The following UNC80 variants were observed in gnomAD, a reference collection of about 807,000 sequenced individuals.
UNC80 encodes the protein unc-80 subunit of NALCN channel complex.
In UNC80, 164 loss-of-function variants were observed where a neutral mutation model predicts 384.6. The observed-to-expected ratio is 0.43, with a 90% CI of 0.38 to 0.49. The LOEUF (loss-of-function observed/expected upper bound fraction) is 0.49. Among genes scored for constraint, UNC80 ranks in the 20% least tolerant of loss-of-function variants. The probability of loss-of-function intolerance (pLI) is 0.00; values close to 1 mark genes in which losing one functional copy is unlikely to be tolerated. For synonymous variants in UNC80, 1,486 were observed against 1,527.8 expected (o/e 0.97, Z 0.64); for missense variants, 3,330 against 4,143.0 (o/e 0.80, Z 5.39).
intron 25 of UNC80, 24 bp from the exon 26 acceptor site, chr2:209,888,071 A>G (rs2085991851): frequency 1.3e-6 from 2 of 1,551,342 alleles, no homozygotes; most frequent in Non-Finnish European, 1.7e-6. Context: ...GCCAGCACTC[A>G]TGTGCTCCTC....
chr2:209,939,729 A>G (rs1209135684), intron 43 of UNC80, 77 bp downstream of exon 43: 2 of 1,318,426 alleles, frequency 1.5e-6, no homozygotes, highest in Non-Finnish European at 2.0e-6. Context: ...TTTTATTATT[A>G]TTATACTTTA....
At chr2:209,828,597 A>G (rs987295310) in intron 14 of UNC80, among the ~76,000 whole-genome samples, 2 of 152,178 alleles carry the variant, frequency 1.3e-5, no homozygotes, top group Admixed American at 6.5e-5. Flanking sequence ...CTGGGCCACA[A>G]TTAAGGACAC....
intron 18 of UNC80, among the ~76,000 whole-genome samples, chr2:209,835,676 A>G (rs772492478): frequency 4.6e-5 from 7 of 152,326 alleles, no homozygotes; most frequent in Non-Finnish European, 8.8e-5. Context: ...CCACAAGTGG[A>G]GTGTAAACAT....
rs1377606612 is a variant in UNC80 at position 209,772,040 on chromosome 2, G to A, written c.-33G>A. ...GGCGGCTAGCGAGGAGACAGAGCTGGGTCCTGCAGTAGGACTCCCGGGAGC... is the reference window on the plus strand; with the variant it reads ...GGCGGCTAGCGAGGAGACAGAGCTGAGTCCTGCAGTAGGACTCCCGGGAGC... On this transcript the variant is annotated 5_prime_UTR_variant, in exon 1 of 65. It introduces an in-frame stop codon into an upstream open reading frame of the 5' UTR. Coordinates refer to ENST00000673920, the MANE Select transcript of UNC80 (RefSeq NM_001371986.1). The A allele has an allele frequency of 2.0e-6, 3 of 1,489,362 alleles. No homozygotes were observed. Among genetic ancestry groups the A allele is most frequent in the Non-Finnish European group, 2.7e-6 (3 of 1,092,012 alleles). 92.3% of individuals were successfully genotyped at this position (1,489,362 alleles called of 1,614,324 possible). A position where few individuals can be genotyped will look rare whatever the true frequency, so the allele number is the denominator to read the frequency against.
chr2:209,800,396 T>C (rs2078463681), intron 7 of UNC80, among the ~76,000 whole-genome samples: 1 of 151,972 alleles, frequency 6.6e-6, no homozygotes, highest in Admixed American at 6.6e-5. Context: ...TGTGGGGTCA[T>C]TGGTGATATC....
chr2:209,950,070 G>A (rs563779422), intron 47 of UNC80, among the ~76,000 whole-genome samples: 27 of 151,664 alleles, frequency 1.8e-4, no homozygotes, highest in Admixed American at 1.5e-3. Flanking sequence ...GAGCTCAAGT[G>A]TTCCTCCCAC....
chr2:209,893,522 C>CG (rs1420284419), intron 26 of UNC80, among the ~76,000 whole-genome samples: 20 of 151,994 alleles, frequency 1.3e-4, no homozygotes, highest in Admixed American at 6.6e-4. Context: ...AAGTTTGGCT[C>CG]GGGGGGGTTG....
chr2:209,816,838 G>A, intron 9 of UNC80, 71 bp from the exon 10 acceptor site: 1 of 1,395,364 alleles, frequency 7.2e-7, no homozygotes. Context: ...GCAGATCATG[G>A]AGCCCCTTGG....
intron 20 of UNC80, among the ~76,000 whole-genome samples, chr2:209,841,146 G>A (rs2081715267): frequency 6.6e-6 from 1 of 152,184 alleles, no homozygotes; most frequent in African/African-American, 2.4e-5. Flanking sequence ...AAGCACTGGA[G>A]TAACGTAAGG....
Position 209,954,259 on chromosome 2 carries a change from G to A in UNC80, c.7446G>A (p.Glu2482=). Residue 2482 remains glutamate (E), a synonymous_variant, in exon 48 of 65, where the codon GAG becomes GAA. Coordinates refer to ENST00000673920, the MANE Select transcript of UNC80 (RefSeq NM_001371986.1). ...TSLQALLYSV[E]VLTRPMTAPQ... ...TACAGGCCCTTTTGTACAGTGTAGAGGTCCTCACCAGGTAATCCCATTGGC... is the reference window on the plus strand; with the variant it reads ...TACAGGCCCTTTTGTACAGTGTAGAAGTCCTCACCAGGTAATCCCATTGGC... The A allele has an allele frequency of 6.6e-7, 1 of 1,520,966 alleles. No individual in the cohort carries two copies. The highest frequency in any genetic ancestry group is 1.3e-5 in the South Asian group (1 of 78,092). The allele number at this position is 1,520,966 out of a possible 1,614,324, so 94.2% of individuals were successfully genotyped here.
At chr2:209,808,743 T>C (rs1002976288) in intron 7 of UNC80, 1 of 237,754 alleles carries the variant, frequency 4.2e-6, no homozygotes, top group South Asian at 5.0e-5. Flanking sequence ...AGGCTCGGCC[T>C]AGTGAGTGGG....
Position 209,866,391 on chromosome 2 carries a change from A to G in UNC80, c.3628-6367A>G, listed in dbSNP as rs1043661516. Among the ~76,000 whole-genome samples, 3 of 152,014 alleles carry G rather than the reference A, an allele frequency of 2.0e-5. No homozygotes were observed. In the East Asian group the frequency reaches 5.8e-4, roughly 29 times the overall value. On this transcript the variant is annotated intron_variant, in intron 22 of 64. Transcript: ENST00000673920. ...AAGGGGCAGTTTTGCCCATCAGGGA[A>G]CATTTGACAATGTCTGGAGGAATTT...
chr2:209,953,747 C>G (rs750415963), intron 47 of UNC80, among the ~76,000 whole-genome samples: 1 of 152,138 alleles, frequency 6.6e-6, no homozygotes, highest in Non-Finnish European at 1.5e-5. Flanking sequence ...TCTCAGCAAA[C>G]TCCTGAATTG....
chr2:209,950,474 T>C (rs1045947431), intron 47 of UNC80, among the ~76,000 whole-genome samples: 2 of 151,974 alleles, frequency 1.3e-5, no homozygotes, highest in African/African-American at 4.8e-5. Flanking sequence ...GAATAACCAG[T>C]ATTTGGGGCT....
intron 48 of UNC80, 149 bp downstream of exon 48, chr2:209,954,419 C>T (rs2124994816): frequency 1.6e-6 from 1 of 626,510 alleles, no homozygotes; most frequent in South Asian, 4.4e-5. Flanking sequence ...TGCCTTATAA[C>T]TGTGAACAGT....
intron 7 of UNC80, among the ~76,000 whole-genome samples, chr2:209,796,941 C>T (rs1050499712): frequency 1.3e-5 from 2 of 152,252 alleles, no homozygotes; most frequent in East Asian, 3.9e-4. Context: ...TTTCATCACC[C>T]GAAAATGTCC....
chr2:209,968,904 T>G (rs1037175934), intron 52 of UNC80: 1 of 152,222 alleles, frequency 6.6e-6, no homozygotes, highest in African/African-American at 2.4e-5. Flanking sequence ...TTAAATTCAT[T>G]AGGTGATCTC....
chr2:209,862,649 C>CTTTTTTTTTTTTTTTTTTTTTTTTTTT (rs71043955), intron 22 of UNC80, among the ~76,000 whole-genome samples: 15 of 78,800 alleles, frequency 1.9e-4, no homozygotes, highest in African/African-American at 3.1e-4. Flanking sequence ...GCAACCTCTG[C>CTTTTTTTTTTTTTTTTTTTTTTTTTTT]TTTTTTTTTT....
rs554236379 is a variant in UNC80 at position 209,831,658 on chromosome 2, G to C, written c.2775+67G>C. The C allele has an allele frequency of 1.1e-5, 15 of 1,377,422 alleles. No individual in the cohort carries two copies. The African/African-American group carries it at 2.1e-4, about 19-fold the overall frequency. 85.3% of individuals were successfully genotyped at this position (1,377,422 alleles called of 1,614,324 possible). Reference sequence around the variant, plus strand: ...TGCCCTGAGAAAAGTACTCATTGTCGTGGCCATGAGTAAGAGAAGCTGAAA... The same window carrying C: ...TGCCCTGAGAAAAGTACTCATTGTCCTGGCCATGAGTAAGAGAAGCTGAAA... On this transcript the variant is annotated intron_variant, in intron 16 of 64. Transcript: ENST00000673920.
Sources: allele counts gnomAD v4.1 joint callset (sites outside exome capture counted in the v4.1 genomes callset), GRCh38; gene constraint gnomAD v4.1.1; transcripts MANE v1.5; gene names NCBI Gene and HGNC (gene_info 2026-07-23, HGNC 2026-07-21).